The following GLB1L3 variants were observed in gnomAD, a reference collection of about 807,000 sequenced individuals.
The protein encoded by GLB1L3 is galactosidase beta 1 like 3, also known as beta-galactosidase-1-like protein 3.
GLB1L3 carries 89 observed loss-of-function variants against 89.5 expected under a neutral mutation model. That is an observed-to-expected ratio of 0.99 (90% CI 0.84 to 1.19). The LOEUF is 1.19. Ranked by LOEUF, GLB1L3 falls within the 50% of genes most tolerant of loss-of-function variation. The probability of loss-of-function intolerance (pLI) is 0.00; values close to 1 mark genes in which losing one functional copy is unlikely to be tolerated. For synonymous variants in GLB1L3, 314 were observed against 312.3 expected (o/e 1.01, Z -0.06); for missense variants, 812 against 813.3 (o/e 1.00, Z 0.02).
Position 134,277,466 on chromosome 11 carries a change from T to TGGG in GLB1L3, c.149+15_149+16insGGG. On this transcript the variant is annotated intron_variant, in intron 2 of 19. Transcript: ENST00000431683. ...TCCCAGCCTAGGTTTGCTTGAGAGC[T>TGGG]ACATCCCTGGGGAGGGAGGGGAGCG... is the stretch of plus-strand genomic sequence containing the variant. The TGGG allele has an allele frequency of 6.2e-7, 1 of 1,609,514 alleles. No homozygotes were observed. Among genetic ancestry groups the TGGG allele is most frequent in the Non-Finnish European group, 8.5e-7 (1 of 1,177,312 alleles).
intron 9 of GLB1L3, chr11:134,305,314 G>GC: frequency 1.9e-6 from 1 of 535,632 alleles, no homozygotes; most frequent in Non-Finnish European, 3.4e-6. Flanking sequence ...TTGCACTATA[G>GC]AGTATGCTTC....
chr11:134,286,498 G>A (rs1358590657), intron 6 of GLB1L3, among the ~76,000 whole-genome samples: 7 of 117,608 alleles, frequency 6.0e-5, no homozygotes, highest in East Asian at 2.2e-4. Context: ...ACTGGTGGCC[G>A]GGCGCGGTGG....
At chr11:134,278,111 T>C (rs142223688) in intron 3 of GLB1L3, among the ~76,000 whole-genome samples, 199 bp downstream of exon 3, 18 of 152,220 alleles carry the variant, frequency 1.2e-4, no homozygotes, top group African/African-American at 3.9e-4. Flanking sequence ...AAGACTTGGA[T>C]AGGGGTTAGT....
chr11:134,298,912 T>C (rs1595895), intron 9 of GLB1L3, among the ~76,000 whole-genome samples: 19,656 of 152,202 alleles, frequency 0.13, 1,535 homozygotes, highest in Admixed American at 0.24. Context: ...ATATTTTCTC[T>C]GCTCTCTCAC....
At position 134,277,870 on chromosome 11, in the gene GLB1L3, G is replaced by T; in HGVS notation, c.320G>T (p.Arg107Leu). 6.2e-7 allele frequency: 1 copy of T among 1,613,942 alleles called. No individual in the cohort carries two copies. Among genetic ancestry groups the T allele is most frequent in the East Asian group, 2.2e-5 (1 of 44,870 alleles). Residue 107 changes from arginine (R) to leucine (L), a missense_variant, in exon 3 of 20, where the codon CGC becomes CTC. Around this residue, in one of 3 missense-constraint regions of GLB1L3, gnomAD observed 191 missense variants for 191.4 expected, o/e 1.00. Transcript: ENST00000431683. ...FRVPREYWRD[R>L]LLKLKACGFN... Reference sequence around the variant, plus strand: ...GTGCCCAGGGAGTACTGGAGGGACCGCCTGCTGAAGCTGAAGGCCTGTGGC... The same window carrying T: ...GTGCCCAGGGAGTACTGGAGGGACCTCCTGCTGAAGCTGAAGGCCTGTGGC...
intron 9 of GLB1L3, among the ~76,000 whole-genome samples, chr11:134,294,776 G>A (rs1941543667): frequency 6.6e-6 from 1 of 152,204 alleles, no homozygotes; most frequent in Non-Finnish European, 1.5e-5. Context: ...ACAGCGTGGT[G>A]TTTCTTCGAG....
chr11:134,306,606 A>G (rs1003658031), intron 9 of GLB1L3, among the ~76,000 whole-genome samples: 8 of 152,222 alleles, frequency 5.3e-5, no homozygotes, highest in African/African-American at 1.9e-4. Flanking sequence ...CATATCACCC[A>G]GAAGAAGCTC....
chr11:134,306,923 G>A (rs569535521), intron 9 of GLB1L3, among the ~76,000 whole-genome samples: 10 of 152,374 alleles, frequency 6.6e-5, no homozygotes, highest in African/African-American at 1.7e-4. Context: ...GACCATGGAC[G>A]TTTAGGAGTG....
rs1272817208 is a variant in GLB1L3 at position 134,314,331 on chromosome 11, C to T, written c.1669C>T (p.Leu557Phe). The T allele has an allele frequency of 1.3e-6, 2 of 1,545,022 alleles. No individual in the cohort carries two copies. Among genetic ancestry groups the T allele is most frequent in the Non-Finnish European group, 1.7e-6 (2 of 1,143,926 alleles). Residue 557 changes from leucine (L) to phenylalanine (F), a missense_variant and splice_region_variant, in exon 18 of 20, where the codon CTC becomes TTC. By Grantham distance (22) the Leu-to-Phe change is conservative. Around this residue, in one of 3 missense-constraint regions of GLB1L3, gnomAD observed 618 missense variants for 604.0 expected, o/e 1.02. Transcript: ENST00000431683. ...CCCATGGCTTGGCCTTTCTTCCAGG[C>T]TCCGCTCTGCCACCTGGAAGCCTGT... ...LEMKMSFFER[L>F]RSATWKPVPD... is the part of the protein sequence containing the mutation.
chr11:134,310,984 T>C (rs1942703076), intron 12 of GLB1L3, 80 bp from the exon 13 acceptor site: 2 of 965,928 alleles, frequency 2.1e-6, no homozygotes, highest in Admixed American at 1.9e-5. Context: ...GGAAAAGCCA[T>C]GCTGGATAGG....
At chr11:134,307,255 C>G in intron 10 of GLB1L3, 47 bp downstream of exon 10, 1 of 1,322,274 alleles carries the variant, frequency 7.6e-7, no homozygotes, top group Non-Finnish European at 1.1e-6. Context: ...GGCCCCAGGT[C>G]CCATGAGAAC....
At chr11:134,276,907 C>T in intron 1 of GLB1L3, 144 bp downstream of exon 1, 8 of 735,772 alleles carry the variant, frequency 1.1e-5, no homozygotes, top group Non-Finnish European at 1.5e-5. Flanking sequence ...CTGTCCCCAG[C>T]TTTCCTCGGC....
intron 7 of GLB1L3, among the ~76,000 whole-genome samples, chr11:134,290,423 A>G (rs1389601430): frequency 1.3e-5 from 2 of 151,978 alleles, no homozygotes; most frequent in South Asian, 4.1e-4. Flanking sequence ...AAATACAAAA[A>G]TTAGCTGGGC....
intron 8 of GLB1L3, 158 bp from the exon 9 acceptor site, chr11:134,292,987 C>T (rs988828977): frequency 1.8e-5 from 12 of 671,288 alleles, no homozygotes; most frequent in African/African-American, 3.6e-5. Flanking sequence ...CCGTGGCAGC[C>T]CTTTGGATGT....
chr11:134,291,322 G>A (rs1330669962), intron 7 of GLB1L3, among the ~76,000 whole-genome samples: 13 of 149,874 alleles, frequency 8.7e-5, no homozygotes, highest in Admixed American at 2.0e-4. Context: ...CTAGGCTGGC[G>A]TGATCTCGGT....
At chr11:134,278,989 G>A (rs1940535088) in intron 3 of GLB1L3, among the ~76,000 whole-genome samples, 1 of 152,176 alleles carries the variant, frequency 6.6e-6, no homozygotes. Context: ...CATACACACA[G>A]ATTGCTAGAC....
chr11:134,324,084 T>A (rs1200975176), downstream of GLB1L3, among the ~76,000 whole-genome samples: 1 of 152,242 alleles, frequency 6.6e-6, no homozygotes, highest in Non-Finnish European at 1.5e-5. Flanking sequence ...CTTTATATCC[T>A]AATTTTTCAT....
chr11:134,284,883 T>A (rs1940896290), intron 6 of GLB1L3, among the ~76,000 whole-genome samples: 1 of 152,074 alleles, frequency 6.6e-6, no homozygotes, highest in Admixed American at 6.5e-5. Flanking sequence ...CTAGTTTGAT[T>A]TACTCCTACA....
At chr11:134,277,958 G>T in intron 3 of GLB1L3, 46 bp downstream of exon 3, 1 of 1,591,692 alleles carries the variant, frequency 6.3e-7, no homozygotes, top group African/African-American at 1.3e-5. Flanking sequence ...CCCTACAAGT[G>T]CATCCTGGCC....
Sources: gnomAD v4.1 joint callset for allele counts (sites outside exome capture counted in the v4.1 genomes callset) on GRCh38, gnomAD v4.1.1 for gene constraint, gnomAD v4.1.1 regional missense constraint, MANE v1.5 for transcripts, NCBI Gene and HGNC (gene_info 2026-07-23, HGNC 2026-07-21) for gene names.